FANCA: variants seen among roughly 807,000 people sequenced by gnomAD.
FANCA encodes Fanconi anemia group A protein.
FANCA carries 236 observed loss-of-function variants against 194.3 expected under a neutral mutation model. The ratio of observed to expected loss-of-function variants is 1.21; its 90% CI spans 1.09 to 1.35. FANCA has a LOEUF of 1.35. Ranked by LOEUF, FANCA falls within the 40% of genes most tolerant of loss-of-function variation. FANCA has a pLI of 0.00. For missense variants in FANCA, 2,628 were observed against 1,813.9 expected, an observed-to-expected ratio of 1.45 and a Z score of -8.15; for synonymous variants, 1,014 against 715.8, an observed-to-expected ratio of 1.42 and a Z score of -6.65.
chr16:89,786,371 C>T (rs2039898743), intron 14 of FANCA, among the ~76,000 whole-genome samples: 1 of 152,144 alleles, frequency 6.6e-6, no homozygotes, highest in Non-Finnish European at 1.5e-5. Flanking sequence ...TTAGTAGAGA[C>T]AGGGTTTCAT....
chr16:89,797,419 G>A (rs560578431), intron 10 of FANCA, among the ~76,000 whole-genome samples: 1 of 152,252 alleles, frequency 6.6e-6, no homozygotes, highest in South Asian at 2.1e-4. Context: ...AGGCCACGTC[G>A]GCTCTGTGCA....
chr16:89,779,080 C>G, intron 18 of FANCA, 77 bp from the exon 19 acceptor site: 1 of 1,406,304 alleles, frequency 7.1e-7, no homozygotes, highest in Non-Finnish European at 1.0e-6. Context: ...ACCGGTGTTT[C>G]AGAGAGTGGA....
intron 18 of FANCA, among the ~76,000 whole-genome samples, chr16:89,779,217 C>T (rs1270598344): frequency 6.6e-6 from 1 of 152,090 alleles, no homozygotes; most frequent in Non-Finnish European, 1.5e-5. Context: ...GGACCACATT[C>T]GGCCTGCTCC....
chr16:89,775,746 T>C lies in FANCA; in HGVS notation c.1896A>G (p.Pro632=), dbSNP rs776251919. Residue 632 remains proline, a synonymous_variant, in exon 21 of 43, where the codon CCA becomes CCG. Coordinates refer to ENST00000389301, the MANE Select transcript of FANCA (RefSeq NM_000135.4). The stretch of plus-strand genomic sequence containing the variant: ...ACAAGCGGCCCAGGAACTTACCTTC[T>C]GGCTTCTCTTCAGCAGCAGAGCAGG... ...CQACSAAEEK[P]EDAALGVRAE... The C allele has an allele frequency of 1.1e-5, 18 of 1,611,618 alleles. No homozygotes were observed. In the South Asian group the frequency reaches 1.8e-4, roughly 16 times the overall value.
At chr16:89,755,956 C>A (rs12597299) in intron 30 of FANCA, among the ~76,000 whole-genome samples, 9,009 of 152,094 alleles carry the variant, frequency 0.059, 403 homozygotes, top group East Asian at 0.22. Context: ...ACACCTAGGC[C>A]ACATGGCACG....
intron 22 of FANCA, 130 bp downstream of exon 22, chr16:89,773,141 A>G: frequency 1.3e-6 from 1 of 769,148 alleles, no homozygotes. Flanking sequence ...CCCGGGGTCA[A>G]TCTTTAAACT....
intron 1 of FANCA, chr16:89,816,261 C>T: frequency 3.2e-6 from 1 of 312,224 alleles, no homozygotes; most frequent in Non-Finnish European, 5.9e-6. Flanking sequence ...AGGCCGCGCA[C>T]CCCAGGCCCG....
intron 2 of FANCA, 54 bp from the exon 3 acceptor site, chr16:89,814,667 G>A: frequency 7.5e-7 from 1 of 1,327,180 alleles, no homozygotes; most frequent in South Asian, 1.2e-5. Context: ...TCCAGGCCAG[G>A]CGTAGTGGCT....
chr16:89,763,121 C>T (rs1184654023), intron 28 of FANCA, among the ~76,000 whole-genome samples: 2 of 151,718 alleles, frequency 1.3e-5, no homozygotes, highest in East Asian at 1.9e-4. Context: ...GTGGCGTGCA[C>T]CTGTGGTCCC....
chr16:89,754,387 T>C (rs2038703678), intron 30 of FANCA, among the ~76,000 whole-genome samples: 1 of 152,208 alleles, frequency 6.6e-6, no homozygotes, highest in Non-Finnish European at 1.5e-5. Context: ...TTTTTTTGTT[T>C]TGAGACTGAG....
At position 89,739,481 on chromosome 16, in the gene FANCA, T is replaced by G. The variant is rs771081836; in HGVS notation, c.4007A>C (p.Tyr1336Ser). The change falls in exon 40 of 43, where the codon TAC becomes TCC. Residue 1336 changes from tyrosine to serine, a missense_variant. Tyr to Ser is a moderately radical substitution (Grantham distance 144, BLOSUM62 -2). Coordinates refer to ENST00000389301, the MANE Select transcript of FANCA (RefSeq NM_000135.4). Reference sequence around the variant, plus strand: ...CCAGCCCTGTGGGTGGAGGTACCTGTAAAAAGCGAAAGGCAGCAGCCTGGT... The same window carrying G: ...CCAGCCCTGTGGGTGGAGGTACCTGGAAAAAGCGAAAGGCAGCAGCCTGGT... ...QHTRLLPFAF[Y>S]SLLSYFHEDA... 3 of 1,551,146 alleles carry G rather than the reference T, an allele frequency of 1.9e-6. No individual in the cohort carries two copies. The South Asian group carries it at 3.6e-5, about 18-fold the overall frequency.
intron 8 of FANCA, among the ~76,000 whole-genome samples, chr16:89,801,379 T>A (rs2040448626): frequency 6.7e-6 from 1 of 148,284 alleles, no homozygotes; most frequent in African/African-American, 2.5e-5. Flanking sequence ...TCACTAATCA[T>A]CAGGGAAATA....
chr16:89,748,780 G>A lies in FANCA; in HGVS notation c.3240-13C>T. On this transcript the variant is annotated splice_polypyrimidine_tract_variant and intron_variant, in intron 32 of 42. Coordinates refer to ENST00000389301, the MANE Select transcript of FANCA (RefSeq NM_000135.4). ...GCGGAGGAGGATCCTGGAAAGAAGGGGCTGTATTGGTGGCGACAGCACAGC... is the reference window on the plus strand; with the variant it reads ...GCGGAGGAGGATCCTGGAAAGAAGGAGCTGTATTGGTGGCGACAGCACAGC... 1 of 1,610,020 alleles carries A rather than the reference G, an allele frequency of 6.2e-7. No individual in the cohort carries two copies. The highest frequency in any genetic ancestry group is 8.5e-7 in the Non-Finnish European group (1 of 1,176,926).
In FANCA at chr16:89,764,885, C is replaced by T. The variant is rs2039072893; in HGVS notation, c.2778+5G>A. The T allele has an allele frequency of 6.2e-7, 1 of 1,613,778 alleles. No individual in the cohort carries two copies. The highest frequency in any genetic ancestry group is 8.5e-7 in the Non-Finnish European group (1 of 1,179,858). On this transcript the variant is annotated splice_donor_5th_base_variant and intron_variant, in intron 28 of 42. Coordinates refer to ENST00000389301, the MANE Select transcript of FANCA (RefSeq NM_000135.4). ...CATGATGCAGGAGAAGGAACGGTCA[C>T]CTACGTGAACATCTTCCTCTTTCAA...
intron 20 of FANCA, 116 bp downstream of exon 20, chr16:89,778,685 T>C (rs1567625347): frequency 7.7e-6 from 7 of 906,718 alleles, no homozygotes; most frequent in Admixed American, 2.0e-5. Context: ...GAGCCAATAT[T>C]TTACCAATAA....
chr16:89,741,449 T>A (rs1453506606), intron 37 of FANCA, among the ~76,000 whole-genome samples: 1 of 152,240 alleles, frequency 6.6e-6, no homozygotes, highest in African/African-American at 2.4e-5. Flanking sequence ...AGTTGTGTGC[T>A]GACATGGCAC....
At position 89,787,015 on chromosome 16, in the gene FANCA, G is replaced by A. The variant is rs544101284; in HGVS notation, c.1360-2051C>T. Among the ~76,000 whole-genome samples the A allele has an allele frequency of 7.4e-4, 113 of 152,310 alleles. 1 individual carries two copies. Among genetic ancestry groups the A allele is most frequent in the Middle Eastern group, 3.4e-3 (1 of 294 alleles). On this transcript the variant is annotated intron_variant, in intron 14 of 42. Coordinates refer to ENST00000389301, the MANE Select transcript of FANCA (RefSeq NM_000135.4). ...GCCGCAGCAGGAACAGTCCAGACCC[G>A]TCGCCAAAGGCATTTCTGTAAAGCA...
rs1005953047 is a variant in FANCA, at chr16:89,738,500, G to A, written c.*101C>T. On this transcript the variant is annotated 3_prime_UTR_variant, in exon 43 of 43. Transcript: ENST00000389301. Reference sequence around the variant, plus strand: ...TTCCTTTCCCCACTAAAGCAGTCGAGGAGATTTGTAATCCACTTTTTAGTG... The same window carrying A: ...TTCCTTTCCCCACTAAAGCAGTCGAAGAGATTTGTAATCCACTTTTTAGTG... 2.8e-5 allele frequency: 44 copies of A among 1,560,082 alleles called. No individual in the cohort carries two copies. In the South Asian group the frequency reaches 4.6e-4, roughly 16 times the overall value.
At chr16:89,796,328 C>A (rs183100447) in intron 10 of FANCA, among the ~76,000 whole-genome samples, 30 of 152,212 alleles carry the variant, frequency 2.0e-4, no homozygotes, top group Admixed American at 9.2e-4. Context: ...AAGGGCAGGC[C>A]GCGCCGCACC....
Sources: allele counts gnomAD v4.1 joint callset (sites outside exome capture counted in the v4.1 genomes callset), GRCh38; gene constraint gnomAD v4.1.1; transcripts MANE v1.5; gene names NCBI Gene and HGNC (gene_info 2026-07-23, HGNC 2026-07-21).